WDR64: variants seen among roughly 807,000 people sequenced by gnomAD.
WDR64 encodes WD repeat-containing protein 64.
In WDR64, 112 loss-of-function variants were observed where a neutral mutation model predicts 139.3. The ratio of observed to expected loss-of-function variants is 0.80; its 90% CI spans 0.69 to 0.94. WDR64 has a LOEUF of 0.94. Ranked by LOEUF, WDR64 falls within the 40% of genes least tolerant of loss-of-function variation. The probability of loss-of-function intolerance (pLI) is 0.00; values close to 1 mark genes in which losing one functional copy is unlikely to be tolerated. For synonymous variants in WDR64, 444 were observed against 437.7 expected (o/e 1.01, Z -0.18); for missense variants, 1,206 against 1,293.1 (o/e 0.93, Z 1.03).
chr1:241,744,278 T>C (rs1669662345), intron 12 of WDR64, 115 bp from the exon 13 acceptor site: 1 of 1,258,524 alleles, frequency 7.9e-7, no homozygotes, highest in Non-Finnish European at 1.1e-6. Flanking sequence ...CGCTAGGAAA[T>C]GTGTTAGATG....
At chr1:241,796,937 A>C (rs2334876) in intron 27 of WDR64, among the ~76,000 whole-genome samples, 1 of 152,000 alleles carries the variant, frequency 6.6e-6, no homozygotes, top group Non-Finnish European at 1.5e-5. Context: ...GACCTTTATG[A>C]CTGAAATTCA....
At chr1:241,769,275 T>G in intron 16 of WDR64, 129 bp from the exon 17 acceptor site, 4 of 715,154 alleles carry the variant, frequency 5.6e-6, no homozygotes, top group Non-Finnish European at 9.1e-6. Context: ...CTTCCTTGCA[T>G]TTTCTTTTCA....
chr1:241,761,595 T>C (rs1558512563), intron 15 of WDR64, among the ~76,000 whole-genome samples: 2 of 151,780 alleles, frequency 1.3e-5, no homozygotes, highest in Non-Finnish European at 2.9e-5. Flanking sequence ...ATTAGGAAGA[T>C]ATATTATGGA....
At chr1:241,705,571 T>TA (rs1414322262) in intron 8 of WDR64, among the ~76,000 whole-genome samples, 83 of 124,128 alleles carry the variant, frequency 6.7e-4, no homozygotes, top group South Asian at 1.3e-3. Context: ...ATAATAATAA[T>TA]AATAATAATA....
At chr1:241,684,102 T>C (rs1400891075) in intron 7 of WDR64, among the ~76,000 whole-genome samples, 11 of 152,104 alleles carry the variant, frequency 7.2e-5, no homozygotes, top group Admixed American at 2.6e-4. Flanking sequence ...GCAATGGATA[T>C]AGAATTCAAA....
At chr1:241,769,019 C>G (rs1370514340) in intron 16 of WDR64, among the ~76,000 whole-genome samples, 1 of 152,162 alleles carries the variant, frequency 6.6e-6, no homozygotes, top group African/African-American at 2.4e-5. Flanking sequence ...GTAATCCCAG[C>G]ACTTTGGGAG....
intron 3 of WDR64, among the ~76,000 whole-genome samples, chr1:241,673,670 T>C (rs1666332425): frequency 6.6e-6 from 1 of 152,222 alleles, no homozygotes; most frequent in African/African-American, 2.4e-5. Flanking sequence ...GATACACGGA[T>C]GAGGGTGGTA....
intron 19 of WDR64, among the ~76,000 whole-genome samples, chr1:241,772,053 T>G (rs536301156): frequency 6.8e-6 from 1 of 146,278 alleles, no homozygotes; most frequent in Admixed American, 6.9e-5. Context: ...GAATTTTCAT[T>G]ATGATGATGC....
At chr1:241,777,344 T>C (rs1032980309) in intron 21 of WDR64, among the ~76,000 whole-genome samples, 1 of 152,198 alleles carries the variant, frequency 6.6e-6, no homozygotes, top group Non-Finnish European at 1.5e-5. Flanking sequence ...AATGTATGCA[T>C]TGAATGCTAT....
intron 9 of WDR64, among the ~76,000 whole-genome samples, chr1:241,718,532 G>C (rs1306089690): frequency 6.6e-6 from 1 of 152,076 alleles, no homozygotes; most frequent in Non-Finnish European, 1.5e-5. Flanking sequence ...ATTTCTAAGT[G>C]CACAGTTAGC....
chr1:241,696,346 C>A (rs1322263240), intron 8 of WDR64, among the ~76,000 whole-genome samples: 1 of 151,880 alleles, frequency 6.6e-6, no homozygotes, highest in East Asian at 1.9e-4. Context: ...GGATCCTGAT[C>A]CTGACCCCCA....
At chr1:241,688,231 C>T (rs1274634404) in intron 8 of WDR64, among the ~76,000 whole-genome samples, 3 of 152,034 alleles carry the variant, frequency 2.0e-5, no homozygotes, top group Non-Finnish European at 4.4e-5. Context: ...AAAAAGGGCA[C>T]ATTTATAGAC....
At chr1:241,774,372 T>C (rs1658572748) in intron 20 of WDR64, among the ~76,000 whole-genome samples, 1 of 152,188 alleles carries the variant, frequency 6.6e-6, no homozygotes, top group South Asian at 2.1e-4. Flanking sequence ...ATTAGAACAA[T>C]GCCCTTTTTC....
intron 4 of WDR64, among the ~76,000 whole-genome samples, chr1:241,677,115 T>G (rs1440594775): frequency 6.6e-6 from 1 of 152,152 alleles, no homozygotes; most frequent in Non-Finnish European, 1.5e-5. Context: ...GATATAAACA[T>G]TAAATGCTAT....
chr1:241,695,801 A>T (rs1055989140), intron 8 of WDR64, among the ~76,000 whole-genome samples: 7 of 152,086 alleles, frequency 4.6e-5, no homozygotes, highest in African/African-American at 1.7e-4. Context: ...CAATGCTAAG[A>T]TTATAAAATA....
intron 14 of WDR64, among the ~76,000 whole-genome samples, chr1:241,754,808 G>C (rs1574071308): frequency 6.6e-6 from 1 of 151,920 alleles, no homozygotes; most frequent in African/African-American, 2.4e-5. Context: ...CTTATGAGTG[G>C]GAACATGCGG....
chr1:241,734,557 C>A (rs879884947), intron 10 of WDR64, among the ~76,000 whole-genome samples: 1 of 151,740 alleles, frequency 6.6e-6, no homozygotes, highest in East Asian at 1.9e-4. Context: ...CTGTACAATG[C>A]GAAGCCATAT....
intron 1 of WDR64, 52 bp downstream of exon 1, chr1:241,652,681 G>A: frequency 1.3e-6 from 2 of 1,536,864 alleles, no homozygotes; most frequent in South Asian, 2.5e-5. Context: ...GTTAGAACTG[G>A]AAAATGTTTT....
At chr1:241,711,254 AG>A (rs1574031582) in intron 8 of WDR64, among the ~76,000 whole-genome samples, 1 of 147,014 alleles carries the variant, frequency 6.8e-6, no homozygotes, top group South Asian at 2.2e-4. Flanking sequence ...AAAAAAAAAT[AG>A]TAGAAGCAGA....
Sources: gnomAD v4.1 joint callset for allele counts (sites outside exome capture counted in the v4.1 genomes callset) on GRCh38, gnomAD v4.1.1 for gene constraint, MANE v1.5 for transcripts, NCBI Gene and HGNC (gene_info 2026-07-23, HGNC 2026-07-21) for gene names.